The following SLMAP variants were observed in gnomAD, a reference collection of about 807,000 sequenced individuals.
The protein encoded by SLMAP is sarcolemma associated protein.
A neutral mutation model predicts 128.8 loss-of-function variants in SLMAP; 44 were observed. That is an observed-to-expected ratio of 0.34 (90% CI 0.27 to 0.44). The LOEUF (loss-of-function observed/expected upper bound fraction) is 0.44, where lower values mean the gene tolerates loss of function less well. Among genes scored for constraint, SLMAP ranks in the 20% least tolerant of loss-of-function variants. SLMAP has a pLI of 1.00. For missense variants in SLMAP, 787 were observed against 985.3 expected (o/e 0.80, Z 2.69); for synonymous variants, 327 against 348.8 (o/e 0.94, Z 0.70).
At chr3:57,926,082 C>T (rs1361591028) in intron 24 of SLMAP, 148 bp downstream of exon 24, 3 of 635,540 alleles carry the variant, frequency 4.7e-6, no homozygotes, top group Non-Finnish European at 8.5e-6. Flanking sequence ...TGTGTCATAC[C>T]AATGAACTGA....
At chr3:57,886,884 A>G (rs1050531569) in intron 14 of SLMAP, among the ~76,000 whole-genome samples, 4 of 152,130 alleles carry the variant, frequency 2.6e-5, no homozygotes, top group African/African-American at 7.2e-5. Context: ...GGGTAAATCC[A>G]TAGAGATAGC....
intron 2 of SLMAP, among the ~76,000 whole-genome samples, chr3:57,759,757 G>A (rs1232816097): frequency 6.6e-6 from 1 of 152,132 alleles, no homozygotes; most frequent in Non-Finnish European, 1.5e-5. Context: ...CATACTCTGC[G>A]AATGCACTTT....
intron 4 of SLMAP, among the ~76,000 whole-genome samples, chr3:57,841,745 A>G (rs990025789): frequency 6.6e-6 from 1 of 152,118 alleles, no homozygotes; most frequent in Non-Finnish European, 1.5e-5. Flanking sequence ...CACTTCTGGT[A>G]TTAATGCCAG....
chr3:57,759,574 C>A lies in SLMAP; in HGVS notation c.198+1725C>A, dbSNP rs142734190. ...TACAGGCGTGAGCCACTGCACCTGG[C>A]CCTCATAATTCTTTAAAATGAATAT... On this transcript the variant is annotated intron_variant, in intron 2 of 24. Coordinates refer to ENST00000671191, the MANE Select transcript of SLMAP (RefSeq NM_001377540.1). Among the ~76,000 whole-genome samples the A allele has an allele frequency of 1.4e-3, 209 of 152,318 alleles. 1 individual carries two copies. The highest frequency in any genetic ancestry group is 4.4e-3 in the African/African-American group (182 of 41,570).
At chr3:57,861,417 A>G (rs2095056238) in intron 9 of SLMAP, among the ~76,000 whole-genome samples, 1 of 152,216 alleles carries the variant, frequency 6.6e-6, no homozygotes, top group African/African-American at 2.4e-5. Context: ...ATAATGTATT[A>G]CTAGAATTAG....
intron 15 of SLMAP, among the ~76,000 whole-genome samples, chr3:57,894,697 T>C (rs2096192896): frequency 6.6e-6 from 1 of 152,042 alleles, no homozygotes; most frequent in African/African-American, 2.4e-5. Flanking sequence ...TTCCTTAGAG[T>C]TGATGGGACT....
intron 4 of SLMAP, among the ~76,000 whole-genome samples, chr3:57,845,603 G>C (rs2094202254): frequency 6.6e-6 from 1 of 152,122 alleles, no homozygotes; most frequent in South Asian, 2.1e-4. Flanking sequence ...GTGATTAGCA[G>C]CTGGTAGAGG....
intron 6 of SLMAP, among the ~76,000 whole-genome samples, chr3:57,853,699 G>A (rs967079781): frequency 3.3e-5 from 5 of 151,850 alleles, no homozygotes; most frequent in Admixed American, 3.3e-4. Flanking sequence ...CCAGCACTTT[G>A]GGAGGCTAAG....
At chr3:57,922,768 A>C in intron 22 of SLMAP, 121 bp from the exon 23 acceptor site, 1 of 903,110 alleles carries the variant, frequency 1.1e-6, no homozygotes, top group Non-Finnish European at 1.7e-6. Flanking sequence ...CCTTAAACAA[A>C]AAGACTTGAC....
chr3:57,812,212 A>G (rs568500084), intron 2 of SLMAP, among the ~76,000 whole-genome samples: 135 of 152,310 alleles, frequency 8.9e-4, no homozygotes, highest in Non-Finnish European at 1.4e-3. Flanking sequence ...CAGGTCTTAC[A>G]TTTAGATCAT....
intron 4 of SLMAP, among the ~76,000 whole-genome samples, chr3:57,845,998 C>T (rs2094226103): frequency 6.6e-6 from 1 of 152,092 alleles, no homozygotes; most frequent in South Asian, 2.1e-4. Context: ...CATGCCACCG[C>T]ACCTGGCTGA....
At chr3:57,760,853 G>A (rs1221363395) in intron 2 of SLMAP, among the ~76,000 whole-genome samples, 2 of 151,736 alleles carry the variant, frequency 1.3e-5, no homozygotes, top group Admixed American at 6.6e-5. Flanking sequence ...TCAGCTTCCC[G>A]AGTAGCTGGG....
intron 4 of SLMAP, among the ~76,000 whole-genome samples, 178 bp from the exon 5 acceptor site, chr3:57,847,019 A>C (rs150342170): frequency 5.9e-5 from 9 of 152,190 alleles, no homozygotes; most frequent in Non-Finnish European, 1.0e-4. Flanking sequence ...GTAGGTTTAC[A>C]TATTTTTGTT....
intron 2 of SLMAP, among the ~76,000 whole-genome samples, chr3:57,765,832 T>C (rs766777430): frequency 2.0e-5 from 3 of 152,176 alleles, no homozygotes; most frequent in Non-Finnish European, 4.4e-5. Flanking sequence ...CTATATTATT[T>C]TTCATAATAG....
At chr3:57,856,721 A>G (rs1389206259) in intron 6 of SLMAP, among the ~76,000 whole-genome samples, 1 of 152,230 alleles carries the variant, frequency 6.6e-6, no homozygotes, top group Non-Finnish European at 1.5e-5. Context: ...AATAAAAAGT[A>G]TAGTACATGC....
chr3:57,874,067 G>A (rs1490080555), intron 14 of SLMAP, among the ~76,000 whole-genome samples: 3 of 152,092 alleles, frequency 2.0e-5, no homozygotes, highest in Non-Finnish European at 2.9e-5. Flanking sequence ...AGGTTGCAGC[G>A]AGCCAAGATC....
chr3:57,927,280 G>A lies in SLMAP; in HGVS notation c.*7-16G>A, dbSNP rs779972405. 5 of 1,584,366 alleles carry A rather than the reference G, an allele frequency of 3.2e-6. No individual in the cohort carries two copies. Among genetic ancestry groups the A allele is most frequent in the Non-Finnish European group, 3.5e-6 (4 of 1,157,124 alleles). On this transcript the variant is annotated splice_polypyrimidine_tract_variant and intron_variant, in intron 24 of 24. Transcript: ENST00000671191. The stretch of plus-strand genomic sequence containing the variant: ...GGGGAGAATGTGATATTGACTCTTG[G>A]TTTCTTTCCACACAGAAACCCTGGC...
At chr3:57,813,387 G>C (rs980522797) in intron 2 of SLMAP, among the ~76,000 whole-genome samples, 9 of 152,094 alleles carry the variant, frequency 5.9e-5, no homozygotes, top group Non-Finnish European at 1.2e-4. Flanking sequence ...ACCATACCCT[G>C]CTGGGTATAA....
intron 13 of SLMAP, among the ~76,000 whole-genome samples, chr3:57,869,099 C>G (rs796526671): frequency 7.0e-6 from 1 of 143,722 alleles, no homozygotes; most frequent in Non-Finnish European, 1.5e-5. Flanking sequence ...CACACAATCA[C>G]AAGGTCCCAC....
Sources: allele counts gnomAD v4.1 joint callset (sites outside exome capture counted in the v4.1 genomes callset), GRCh38; gene constraint gnomAD v4.1.1; transcripts MANE v1.5; gene names NCBI Gene and HGNC (gene_info 2026-07-23, HGNC 2026-07-21).